The following SPRYD4 variants were observed in gnomAD, a reference collection of about 807,000 sequenced individuals.
SPRYD4 encodes the protein SPRY domain-containing protein 4.
SPRYD4 carries 12 observed loss-of-function variants against 16.6 expected under a neutral mutation model. The observed-to-expected ratio is 0.72, with a 90% CI of 0.46 to 1.17. The LOEUF is 1.17. Among genes scored for constraint, SPRYD4 ranks in the 50% most tolerant of loss-of-function variants. The pLI, the probability that SPRYD4 is intolerant of heterozygous loss-of-function variation, is 0.00. For synonymous variants in SPRYD4, 98 were observed against 105.4 expected (o/e 0.93, Z 0.43); for missense variants, 260 against 260.2 (o/e 1.00, Z 0.00).
At position 56,472,222 on chromosome 12, in the gene SPRYD4, G is replaced by A; in HGVS notation, c.*2645G>A. On this transcript the variant is annotated 3_prime_UTR_variant, in exon 2 of 2. Transcript: ENST00000338146. Reference sequence around the variant, plus strand: ...TGAGGGTAGTGGGAAAGCAGCTAGAGTTGCCTAGATCAGACTGGAATCACA... The same window carrying A: ...TGAGGGTAGTGGGAAAGCAGCTAGAATTGCCTAGATCAGACTGGAATCACA... 6.2e-7 allele frequency: 1 copy of A among 1,605,536 alleles called. No homozygotes were observed. Among genetic ancestry groups the A allele is most frequent in the East Asian group, 2.2e-5 (1 of 44,856 alleles).
rs1230973016 is a variant in SPRYD4, at chr12:56,476,251, C to T, written c.*6674C>T. The T allele has an allele frequency of 9.8e-6, 4 of 406,164 alleles. No individual in the cohort carries two copies. The highest frequency in any genetic ancestry group is 1.8e-5 in the Non-Finnish European group (4 of 221,972). The allele number at this position is 406,164 out of a possible 1,614,324, so 25.2% of individuals were successfully genotyped here. Reference sequence around the variant, plus strand: ...GATCATGGCTCACTGCAGCTTTGACCTCCCAGGCTCAAGCGATCCTCCCAC... The same window carrying T: ...GATCATGGCTCACTGCAGCTTTGACTTCCCAGGCTCAAGCGATCCTCCCAC... On this transcript the variant is annotated 3_prime_UTR_variant, in exon 2 of 2. Coordinates refer to ENST00000338146, the MANE Select transcript of SPRYD4 (RefSeq NM_207344.4).
Position 56,472,871 on chromosome 12 carries a change from T to G in SPRYD4, c.*3294T>G. 1 of 694,388 alleles carries G rather than the reference T, an allele frequency of 1.4e-6. No individual in the cohort carries two copies. Among genetic ancestry groups the G allele is most frequent in the Non-Finnish European group, 2.5e-6 (1 of 407,010 alleles). 43.0% of individuals were successfully genotyped at this position (694,388 alleles called of 1,614,324 possible). ...ATTGCTGAAGTGTTATGGAATGTGC[T>G]ACTCTGAAATATTCTTTTTTTTTTT... On this transcript the variant is annotated 3_prime_UTR_variant, in exon 2 of 2. Transcript: ENST00000338146.
rs1227524387 is a variant in SPRYD4 at position 56,479,031 on chromosome 12, C to T, written c.*9454C>T. ...ATCTGGCCCAGGTCCCTGACCCCTC[C>T]CTTAGTCCCCTGACTCTCACTTTGC... On this transcript the variant is annotated 3_prime_UTR_variant, in exon 2 of 2. Coordinates refer to ENST00000338146, the MANE Select transcript of SPRYD4 (RefSeq NM_207344.4). The T allele has an allele frequency of 1.2e-6, 2 of 1,611,874 alleles. No homozygotes were observed. The highest frequency in any genetic ancestry group is 1.7e-6 in the Non-Finnish European group (2 of 1,179,094).
In SPRYD4 at chr12:56,478,269, A is replaced by G; in HGVS notation, c.*8692A>G. The G allele has an allele frequency of 6.2e-7, 1 of 1,613,980 alleles. No individual in the cohort carries two copies. The highest frequency in any genetic ancestry group is 1.1e-5 in the South Asian group (1 of 91,078). The stretch of plus-strand genomic sequence containing the variant: ...GAGGGATGTAGGCTGCCACCTGGAC[A>G]TGAGTGGGTAGAGAAAAGGGAGATG... On this transcript the variant is annotated 3_prime_UTR_variant, in exon 2 of 2. Transcript: ENST00000338146.
chr12:56,473,858 G>A lies in SPRYD4; in HGVS notation c.*4281G>A. 5.2e-6 allele frequency: 2 copies of A among 384,944 alleles called. No homozygotes were observed. The highest frequency in any genetic ancestry group is 9.2e-6 in the Non-Finnish European group (2 of 216,282). The allele number at this position is 384,944 out of a possible 1,614,324, so 23.8% of individuals were successfully genotyped here. On this transcript the variant is annotated 3_prime_UTR_variant, in exon 2 of 2. Transcript: ENST00000338146. ...TAGAACTAGGAACTTCCATTCTGGT[G>A]TTAGGAGATAGGTAATAAACAGGTA...
rs1315482401 is a variant in SPRYD4, at chr12:56,473,545, A to G, written c.*3968A>G. 6.2e-7 allele frequency: 1 copy of G among 1,613,484 alleles called. No homozygotes were observed. The highest frequency in any genetic ancestry group is 1.1e-5 in the South Asian group (1 of 91,046). ...GCACATCATTCCCATGACATTGGGT[A>G]CCACCAGGAGGATGGCTCCTGATAC... On this transcript the variant is annotated 3_prime_UTR_variant, in exon 2 of 2. Coordinates refer to ENST00000338146, the MANE Select transcript of SPRYD4 (RefSeq NM_207344.4).
Position 56,472,884 on chromosome 12 carries a change from T to TA in SPRYD4, c.*3307_*3308insA. 2.5e-5 allele frequency: 16 copies of TA among 642,178 alleles called. No individual in the cohort carries two copies. The highest frequency in any genetic ancestry group is 3.4e-5 in the Non-Finnish European group (13 of 383,714). The allele number at this position is 642,178 out of a possible 1,614,324, so 39.8% of individuals were successfully genotyped here. ...TATGGAATGTGCTACTCTGAAATAT[T>TA]CTTTTTTTTTTTTTTTTTTTTGAGA... On this transcript the variant is annotated 3_prime_UTR_variant, in exon 2 of 2. Coordinates refer to ENST00000338146, the MANE Select transcript of SPRYD4 (RefSeq NM_207344.4).
Position 56,479,354 on chromosome 12 carries a change from T to A in SPRYD4, c.*9777T>A. 1.4e-6 allele frequency: 1 copy of A among 693,026 alleles called. No homozygotes were observed. Among genetic ancestry groups the A allele is most frequent in the Non-Finnish European group, 2.2e-6 (1 of 445,938 alleles). The allele number at this position is 693,026 out of a possible 1,614,324, so 42.9% of individuals were successfully genotyped here. A position where few individuals can be genotyped will look rare whatever the true frequency, so the allele number is the denominator to read the frequency against. On this transcript the variant is annotated 3_prime_UTR_variant, in exon 2 of 2. Transcript: ENST00000338146. ...TTCTAGGTCTTAGTTTCCGTACCTC[T>A]AAAATGAGGGGTTTTAATGATGTGG... is the stretch of plus-strand genomic sequence containing the variant.
Position 56,479,616 on chromosome 12 carries a change from T to G in SPRYD4, c.*10039T>G. The G allele has an allele frequency of 1.3e-6, 1 of 782,572 alleles. No homozygotes were observed. The highest frequency in any genetic ancestry group is 1.8e-6 in the Non-Finnish European group (1 of 544,460). The allele number at this position is 782,572 out of a possible 1,614,324, so 48.5% of individuals were successfully genotyped here. ...GGAAAGGAGAACATGTATTTCTATA[T>G]TGTTTGAACTCTTATGATGAGTATT... is the stretch of plus-strand genomic sequence containing the variant. On this transcript the variant is annotated 3_prime_UTR_variant, in exon 2 of 2. Transcript: ENST00000338146.
rs1011716566 is a variant in SPRYD4 at position 56,470,711 on chromosome 12, C to T, written c.*1134C>T. On this transcript the variant is annotated 3_prime_UTR_variant, in exon 2 of 2. Transcript: ENST00000338146. ...AAGGAAGGAGGCCTGAGGTTTTGCA[C>T]AATCTGTTTCAGAGCCTGTTTAGAC... 6.6e-6 allele frequency: 1 copy of T among 152,180 alleles called. No homozygotes were observed. The highest frequency in any genetic ancestry group is 2.1e-4 in the South Asian group (1 of 4,828). 9.4% of individuals were successfully genotyped at this position (152,180 alleles called of 1,614,324 possible). A position where few individuals can be genotyped will look rare whatever the true frequency, so the allele number is the denominator to read the frequency against.
rs1450447819 is a variant in SPRYD4 at position 56,474,813 on chromosome 12, C to A, written c.*5236C>A. On this transcript the variant is annotated 3_prime_UTR_variant, in exon 2 of 2. Transcript: ENST00000338146. ...AGGGCAAGGGCAAGGACAGTCTGTCCTGTTCCCTCGGCCCTGAGCAGTGTT... is the reference window on the plus strand; with the variant it reads ...AGGGCAAGGGCAAGGACAGTCTGTCATGTTCCCTCGGCCCTGAGCAGTGTT... The A allele has an allele frequency of 6.2e-7, 1 of 1,614,080 alleles. No homozygotes were observed. Among genetic ancestry groups the A allele is most frequent in the East Asian group, 2.2e-5 (1 of 44,890 alleles).
chr12:56,468,746 G>A (rs1869104341), intron 1 of SPRYD4, 70 bp downstream of exon 1: 1 of 1,513,366 alleles, frequency 6.6e-7, no homozygotes. Flanking sequence ...ACCCCACTCC[G>A]AGAAGCAACT....
At position 56,478,151 on chromosome 12, in the gene SPRYD4, C is replaced by G; in HGVS notation, c.*8574C>G. ...TTGGCCTGTGTTCGGCACCTGTGCC[C>G]TGCCTCCCCTTCCTCTTGCCCAGCA... On this transcript the variant is annotated 3_prime_UTR_variant, in exon 2 of 2. Transcript: ENST00000338146. 1.2e-6 allele frequency: 2 copies of G among 1,614,158 alleles called. No individual in the cohort carries two copies. Among genetic ancestry groups the G allele is most frequent in the Non-Finnish European group, 1.7e-6 (2 of 1,180,002 alleles).
chr12:56,478,840 A>G lies in SPRYD4; in HGVS notation c.*9263A>G. On this transcript the variant is annotated 3_prime_UTR_variant, in exon 2 of 2. Coordinates refer to ENST00000338146, the MANE Select transcript of SPRYD4 (RefSeq NM_207344.4). Reference sequence around the variant, plus strand: ...AAACCCCATCTCTACTAAAAATACAAAAATTAGTCGGGCATGGTGGTGTAT... The same window carrying G: ...AAACCCCATCTCTACTAAAAATACAGAAATTAGTCGGGCATGGTGGTGTAT... 1.9e-6 allele frequency: 1 copy of G among 528,272 alleles called. No homozygotes were observed. The highest frequency in any genetic ancestry group is 3.5e-5 in the Admixed American group (1 of 28,460). The allele number at this position is 528,272 out of a possible 1,614,324, so 32.7% of individuals were successfully genotyped here.
chr12:56,472,927 G>C lies in SPRYD4; in HGVS notation c.*3350G>C, dbSNP rs570568345. On this transcript the variant is annotated 3_prime_UTR_variant, in exon 2 of 2. Transcript: ENST00000338146. ...TTTTGAGACGGAGTCTCGCTCTGTC[G>C]TTCAGGCTGAAGTGTAGTGGCGCGC... is the stretch of plus-strand genomic sequence containing the variant. 6.8e-6 allele frequency: 4 copies of C among 590,090 alleles called. No individual in the cohort carries two copies. The African/African-American group carries it at 8.0e-5, about 12-fold the overall frequency. 36.6% of individuals were successfully genotyped at this position (590,090 alleles called of 1,614,324 possible). A position where few individuals can be genotyped will look rare whatever the true frequency, so the allele number is the denominator to read the frequency against.
chr12:56,469,773 AC>A lies in SPRYD4; in HGVS notation c.*199del. The A allele has an allele frequency of 1.9e-6, 1 of 532,702 alleles. No homozygotes were observed. The highest frequency in any genetic ancestry group is 3.2e-6 in the Non-Finnish European group (1 of 310,146). The allele number at this position is 532,702 out of a possible 1,614,324, so 33.0% of individuals were successfully genotyped here. A position where few individuals can be genotyped will look rare whatever the true frequency, so the allele number is the denominator to read the frequency against. On this transcript the variant is annotated 3_prime_UTR_variant, in exon 2 of 2. Transcript: ENST00000338146. ...ATACAGCCAAACCCTCCTTTTCCCC[AC>A]CCACCAACTACTGCCAATTTCCTAG... is the stretch of plus-strand genomic sequence containing the variant.
Position 56,477,778 on chromosome 12 carries a change from G to C in SPRYD4, c.*8201G>C. 6 of 1,566,936 alleles carry C rather than the reference G, an allele frequency of 3.8e-6. No homozygotes were observed. The highest frequency in any genetic ancestry group is 5.2e-6 in the Non-Finnish European group (6 of 1,148,648). On this transcript the variant is annotated 3_prime_UTR_variant, in exon 2 of 2. Coordinates refer to ENST00000338146, the MANE Select transcript of SPRYD4 (RefSeq NM_207344.4). ...CTGAACAAAGCCTCCCTGACAGCCC[G>C]CTCACTTTGTGGGTTAGACAAGAAA...
rs1869895448 is a variant in SPRYD4 at position 56,477,138 on chromosome 12, G to T, written c.*7561G>T. On this transcript the variant is annotated 3_prime_UTR_variant, in exon 2 of 2. Coordinates refer to ENST00000338146, the MANE Select transcript of SPRYD4 (RefSeq NM_207344.4). The stretch of plus-strand genomic sequence containing the variant: ...AGGAGGGGCTGTGATTGGCTCCAGG[G>T]TGTTGCTGCCCAGCTGCTCCCAGGT... 6.6e-6 allele frequency: 1 copy of T among 152,486 alleles called. No individual in the cohort carries two copies. The highest frequency in any genetic ancestry group is 6.5e-5 in the Admixed American group (1 of 15,292). The allele number at this position is 152,486 out of a possible 1,614,324, so 9.4% of individuals were successfully genotyped here.
chr12:56,473,272 A>G lies in SPRYD4; in HGVS notation c.*3695A>G. ...CGCCGTGGGTCTAACTTCCGAGCACAGTGCCTCAGGTTGTCATAGTTGTGG... is the reference window on the plus strand; with the variant it reads ...CGCCGTGGGTCTAACTTCCGAGCACGGTGCCTCAGGTTGTCATAGTTGTGG... On this transcript the variant is annotated 3_prime_UTR_variant, in exon 2 of 2. Coordinates refer to ENST00000338146, the MANE Select transcript of SPRYD4 (RefSeq NM_207344.4). 1 of 1,614,186 alleles carries G rather than the reference A, an allele frequency of 6.2e-7. No individual in the cohort carries two copies.
Sources: allele counts gnomAD v4.1 joint callset, GRCh38; gene constraint gnomAD v4.1.1; transcripts MANE v1.5; gene names NCBI Gene and HGNC (gene_info 2026-07-23, HGNC 2026-07-21).